The following DCLK1 variants were observed in gnomAD, a reference collection of about 807,000 sequenced individuals.
DCLK1 encodes doublecortin like kinase 1.
Under a neutral mutation model 86.2 loss-of-function variants are expected in DCLK1, and 16 were observed. The ratio of observed to expected loss-of-function variants is 0.19; its 90% CI spans 0.13 to 0.28. The LOEUF (loss-of-function observed/expected upper bound fraction) is 0.28. Among genes scored for constraint, DCLK1 ranks in the 10% least tolerant of loss-of-function variants. The pLI is 1.00. For missense variants in DCLK1, 590 were observed against 940.2 expected (o/e 0.63, Z 4.87); for synonymous variants, 369 against 370.5 (o/e 1.00, Z 0.05).
rs931821866 is a variant in DCLK1, at chr13:35,772,673, G to T, written c.*1862C>A. 3 of 142,422 alleles carry T rather than the reference G, an allele frequency of 2.1e-5. No individual in the cohort carries two copies. The highest frequency in any genetic ancestry group is 8.2e-5 in the African/African-American group (3 of 36,728). The allele number at this position is 142,422 out of a possible 1,614,324, so 8.8% of individuals were successfully genotyped here. A position where few individuals can be genotyped will look rare whatever the true frequency, so the allele number is the denominator to read the frequency against. On this transcript the variant is annotated 3_prime_UTR_variant, in exon 17 of 17. Transcript: ENST00000360631. The stretch of plus-strand genomic sequence containing the variant: ...TCACTTCCGGATGCTCTAAAAGGGG[G>T]GGAAAAAAACCTCAATAAACGATAT...
rs116332394 is a variant in DCLK1 at position 35,881,659 on chromosome 13, T to C, written c.824-10319A>G. Among the ~76,000 whole-genome samples, 267 of 152,272 alleles carry C rather than the reference T, an allele frequency of 1.8e-3. 2 individuals are homozygous for C. Among genetic ancestry groups the C allele is most frequent in the African/African-American group, 5.7e-3 (237 of 41,544 alleles). ...CATTTCTCTTTCTGTTACTCATACA[T>C]CCAGTTCCTTGTGGCCACATTTATT... On this transcript the variant is annotated intron_variant, in intron 4 of 16. Transcript: ENST00000360631.
chr13:35,808,944 A>C, intron 13 of DCLK1, 74 bp downstream of exon 13: 2 of 1,337,312 alleles, frequency 1.5e-6, no homozygotes, highest in Non-Finnish European at 2.1e-6. Context: ...TCCTTTGTGC[A>C]AGAAGGGCTA....
At chr13:35,876,854 G>A (rs550850297) in intron 4 of DCLK1, among the ~76,000 whole-genome samples, 1 of 152,236 alleles carries the variant, frequency 6.6e-6, no homozygotes, top group South Asian at 2.1e-4. Context: ...TGGTGGTGGA[G>A]AAACTGGATG....
chr13:35,989,432 C>T (rs1053831948), intron 3 of DCLK1, among the ~76,000 whole-genome samples: 10 of 152,048 alleles, frequency 6.6e-5, no homozygotes, highest in South Asian at 2.1e-4. Context: ...CCACCACACC[C>T]GGCTAATTTT....
intron 4 of DCLK1, among the ~76,000 whole-genome samples, chr13:35,929,778 G>A (rs1876322296): frequency 6.6e-6 from 1 of 151,766 alleles, no homozygotes; most frequent in Admixed American, 6.6e-5. Flanking sequence ...TCTGTTTTAG[G>A]TCTTCAGGAA....
rs558858571 is a variant in DCLK1 at position 35,942,387 on chromosome 13, T to C, written c.823+4971A>G. ...TTCACTGTGTTAGCCAGGATGGTCT[T>C]GATCTCCTGACTTCGTGATTCTTCT... On this transcript the variant is annotated intron_variant, in intron 4 of 16. Transcript: ENST00000360631. Among the ~76,000 whole-genome samples the C allele has an allele frequency of 1.2e-4, 18 of 152,248 alleles. No individual in the cohort carries two copies. In the East Asian group the frequency reaches 2.5e-3, roughly 21 times the overall value.
chr13:35,958,202 CATTATA>C, intron 3 of DCLK1, among the ~76,000 whole-genome samples: 1 of 64,160 alleles, frequency 1.6e-5, no homozygotes, highest in Non-Finnish European at 3.1e-5. Flanking sequence ...CCACCACCAC[CATTATA>C]ACCATCACCA....
intron 5 of DCLK1, among the ~76,000 whole-genome samples, chr13:35,866,003 T>C (rs1050263943): frequency 2.0e-5 from 3 of 152,098 alleles, no homozygotes; most frequent in Admixed American, 2.0e-4. Context: ...ATCAAAACTC[T>C]AGTAAGTGGA....
chr13:35,957,945 C>T, intron 3 of DCLK1, among the ~76,000 whole-genome samples: 1 of 149,210 alleles, frequency 6.7e-6, no homozygotes, highest in Non-Finnish European at 1.5e-5. Context: ...ACTACCACTA[C>T]TACCACTACT....
Position 35,976,525 on chromosome 13 carries a change from G to GTTTTTTTTTTTTTTTTTTT in DCLK1, c.724-29087_724-29069dup, listed in dbSNP as rs11294824. 3.5e-4 allele frequency among the ~76,000 whole-genome samples: 20 copies of GTTTTTTTTTTTTTTTTTTT among 56,372 alleles called. 4 individuals carry two copies. The highest frequency in any genetic ancestry group is 0.013 in the Middle Eastern group (1 of 80). The allele number at this position is 56,372 out of a possible 152,430, so 37.0% of individuals were successfully genotyped here. ...CTCCCAGCACTTCAGCTTCTCCGAG[G>GTTTTTTTTTTTTTTTTTTT]TTTTTTTTTTTTTTTTTTTTTTTGA... On this transcript the variant is annotated intron_variant, in intron 3 of 16. Transcript: ENST00000360631.
intron 4 of DCLK1, among the ~76,000 whole-genome samples, chr13:35,873,893 A>G (rs569741252): frequency 6.6e-6 from 1 of 152,224 alleles, no homozygotes; most frequent in South Asian, 2.1e-4. Flanking sequence ...GCAATTACTT[A>G]TTTATGTCCT....
chr13:35,866,202 G>A (rs1322005109), intron 5 of DCLK1, among the ~76,000 whole-genome samples: 1 of 152,026 alleles, frequency 6.6e-6, no homozygotes, highest in African/African-American at 2.4e-5. Context: ...CTGCTGTTAG[G>A]AAATTAATAG....
At chr13:35,814,519 A>G (rs2087225928) in intron 11 of DCLK1, among the ~76,000 whole-genome samples, 1 of 152,210 alleles carries the variant, frequency 6.6e-6, no homozygotes, top group Non-Finnish European at 1.5e-5. Flanking sequence ...AGGCTTGGAC[A>G]GGCTGGTCCA....
chr13:35,898,614 T>C (rs370864817), intron 4 of DCLK1, among the ~76,000 whole-genome samples: 2 of 152,258 alleles, frequency 1.3e-5, no homozygotes, highest in Non-Finnish European at 2.9e-5. Context: ...CACTTTAAAA[T>C]TCACCCAGGC....
At chr13:36,089,476 T>C (rs1170384789) in intron 3 of DCLK1, among the ~76,000 whole-genome samples, 1 of 152,210 alleles carries the variant, frequency 6.6e-6, no homozygotes, top group Non-Finnish European at 1.5e-5. Context: ...CACTCAACTA[T>C]TCCACTCTCT....
At chr13:36,107,274 T>C (rs1885428539) in intron 3 of DCLK1, among the ~76,000 whole-genome samples, 1 of 152,032 alleles carries the variant, frequency 6.6e-6, no homozygotes, top group Non-Finnish European at 1.5e-5. Flanking sequence ...TAATTCCTAA[T>C]GTTTTCCATA....
intron 3 of DCLK1, among the ~76,000 whole-genome samples, chr13:36,006,696 G>C (rs897698479): frequency 6.6e-6 from 1 of 152,196 alleles, no homozygotes; most frequent in Non-Finnish European, 1.5e-5. Flanking sequence ...CTTGGGCAAA[G>C]AGCCTTCTAT....
intron 15 of DCLK1, among the ~76,000 whole-genome samples, chr13:35,798,662 T>C (rs1019519465): frequency 1.3e-5 from 2 of 152,224 alleles, no homozygotes; most frequent in African/African-American, 2.4e-5. Context: ...AGATTTATCT[T>C]AGAGCAAGGA....
chr13:36,000,006 G>A (rs891222749), intron 3 of DCLK1, among the ~76,000 whole-genome samples: 1 of 152,204 alleles, frequency 6.6e-6, no homozygotes, highest in African/African-American at 2.4e-5. Flanking sequence ...ATTACTTGAT[G>A]TGGCTAAAAT....
Sources: gnomAD v4.1 joint callset for allele counts (sites outside exome capture counted in the v4.1 genomes callset) on GRCh38, gnomAD v4.1.1 for gene constraint, MANE v1.5 for transcripts, NCBI Gene and HGNC (gene_info 2026-07-23, HGNC 2026-07-21) for gene names.